Variants in DLG2 observed in about 807,000 individuals in gnomAD.
DLG2 encodes discs large MAGUK scaffold protein 2.
Under a neutral mutation model 132.5 loss-of-function variants are expected in DLG2, and 45 were observed. The ratio of observed to expected loss-of-function variants is 0.34; its 90% CI spans 0.27 to 0.44. The LOEUF (loss-of-function observed/expected upper bound fraction) is 0.44. DLG2 is among the 20% of genes least tolerant of loss of function. DLG2 has a pLI of 1.00. For missense variants in DLG2, 1,045 were observed against 1,196.9 expected, an observed-to-expected ratio of 0.87 and a Z score of 1.87; for synonymous variants, 424 against 419.6, an observed-to-expected ratio of 1.01 and a Z score of -0.13.
chr11:84,463,750 G>GAA (rs971052921), intron 7 of DLG2, among the ~76,000 whole-genome samples: 34 of 151,280 alleles, frequency 2.2e-4, no homozygotes, highest in Admixed American at 4.0e-4. Flanking sequence ...AGGAATGTGT[G>GAA]AATGATGCAT....
chr11:83,991,597 T>C (rs957231830), intron 11 of DLG2, among the ~76,000 whole-genome samples: 13 of 152,268 alleles, frequency 8.5e-5, no homozygotes, highest in Middle Eastern at 6.8e-3. Context: ...TCTTCTTTTA[T>C]GGATTTGGCC....
At chr11:84,894,707 T>C (rs2089950581) in intron 6 of DLG2, among the ~76,000 whole-genome samples, 1 of 152,158 alleles carries the variant, frequency 6.6e-6, no homozygotes, top group African/African-American at 2.4e-5. Flanking sequence ...GGTTCAATGA[T>C]ACTCTATATC....
rs148707321 is a variant in DLG2, at chr11:84,207,081, C to CTCTCTATATA, written c.574-43571_574-43570insTATATAGAGA. 1.2e-3 allele frequency among the ~76,000 whole-genome samples: 180 copies of CTCTCTATATA among 146,996 alleles called. 1 individual carries two copies. Among genetic ancestry groups the CTCTCTATATA allele is most frequent in the African/African-American group, 4.0e-3 (160 of 40,030 alleles). On this transcript the variant is annotated intron_variant, in intron 8 of 27. Coordinates refer to ENST00000376104, the MANE Select transcript of DLG2 (RefSeq NM_001142699.3). ...TAAATCTCTCTCTCTCTCTCTCTCT[C>CTCTCTATATA]TATATATATATATGTATGTATATAT...
chr11:84,885,519 G>A (rs532374107), intron 6 of DLG2, among the ~76,000 whole-genome samples: 2 of 152,082 alleles, frequency 1.3e-5, no homozygotes, highest in African/African-American at 4.8e-5. Flanking sequence ...GTTTTGTAAT[G>A]TTTTATAGTA....
chr11:84,496,030 T>C (rs1286892904), intron 7 of DLG2, among the ~76,000 whole-genome samples: 1 of 152,088 alleles, frequency 6.6e-6, no homozygotes, highest in Non-Finnish European at 1.5e-5. Flanking sequence ...TATCCTGTCT[T>C]CTTGAGTACC....
chr11:83,519,611 C>CTAT (rs1170797850), intron 21 of DLG2, among the ~76,000 whole-genome samples: 1 of 152,130 alleles, frequency 6.6e-6, no homozygotes, highest in Non-Finnish European at 1.5e-5. Flanking sequence ...AAAAATTGTT[C>CTAT]TATTTAGCAA....
intron 6 of DLG2, among the ~76,000 whole-genome samples, chr11:84,649,911 T>A (rs568739563): frequency 9.2e-5 from 14 of 152,156 alleles, no homozygotes; most frequent in Non-Finnish European, 1.8e-4. Context: ...TCAGAAATCC[T>A]AGAGATGACT....
chr11:83,675,874 T>G (rs1024316639), intron 18 of DLG2, among the ~76,000 whole-genome samples: 2 of 152,210 alleles, frequency 1.3e-5, no homozygotes, highest in Non-Finnish European at 2.9e-5. Flanking sequence ...CTACTCTTCC[T>G]GGAAGCCAAT....
At chr11:84,372,970 A>C (rs1212686136) in intron 7 of DLG2, among the ~76,000 whole-genome samples, 1 of 152,032 alleles carries the variant, frequency 6.6e-6, no homozygotes, top group East Asian at 1.9e-4. Context: ...AGATGAAACC[A>C]CGAGAGTTAC....
intron 9 of DLG2, among the ~76,000 whole-genome samples, chr11:84,142,796 C>T (rs1333864329): frequency 6.6e-6 from 1 of 152,112 alleles, no homozygotes; most frequent in Non-Finnish European, 1.5e-5. Flanking sequence ...CCCTTGTTTT[C>T]CCCTCTTCTC....
At chr11:85,148,761 C>A (rs2077031657) in intron 5 of DLG2, among the ~76,000 whole-genome samples, 4 of 152,152 alleles carry the variant, frequency 2.6e-5, no homozygotes, top group African/African-American at 9.6e-5. Flanking sequence ...TAATTAGATT[C>A]CATTTGTCAA....
At chr11:84,580,043 A>G (rs537330588) in intron 6 of DLG2, among the ~76,000 whole-genome samples, 1 of 152,318 alleles carries the variant, frequency 6.6e-6, no homozygotes, top group South Asian at 2.1e-4. Context: ...GTGAAGTTTG[A>G]GATCCTGTAG....
At chr11:83,530,909 T>C (rs570243241) in intron 21 of DLG2, among the ~76,000 whole-genome samples, 1 of 152,178 alleles carries the variant, frequency 6.6e-6, no homozygotes, top group South Asian at 2.1e-4. Flanking sequence ...ATTATATTTA[T>C]GTACATTTGC....
intron 9 of DLG2, among the ~76,000 whole-genome samples, chr11:84,107,005 T>A (rs76786559): frequency 0.052 from 1,729 of 33,430 alleles, 52 homozygotes; most frequent in African/African-American, 0.13. Context: ...TGTGTGTGTG[T>A]GTGTGTGTGA....
intron 19 of DLG2, among the ~76,000 whole-genome samples, chr11:83,570,124 C>T (rs1294361077): frequency 6.6e-6 from 1 of 152,154 alleles, no homozygotes; most frequent in African/African-American, 2.4e-5. Flanking sequence ...AAATATCTAT[C>T]ACTATCAAGC....
At chr11:84,628,096 A>G (rs141175106) in intron 6 of DLG2, among the ~76,000 whole-genome samples, 2,889 of 123,458 alleles carry the variant, frequency 0.023, 31 homozygotes, top group Non-Finnish European at 0.033. Flanking sequence ...ATGTACACAC[A>G]TATATACACA....
At chr11:85,341,446 G>A (rs2082496200) in intron 3 of DLG2, among the ~76,000 whole-genome samples, 1 of 152,112 alleles carries the variant, frequency 6.6e-6, no homozygotes, top group South Asian at 2.1e-4. Context: ...ATGTAACAGT[G>A]TATCATCTGC....
At chr11:84,349,837 A>ATAT in intron 7 of DLG2, among the ~76,000 whole-genome samples, 2 of 150,704 alleles carry the variant, frequency 1.3e-5, no homozygotes, top group South Asian at 4.2e-4. Flanking sequence ...CTGCCTCTAA[A>ATAT]ATATATATAT....
chr11:84,154,343 T>A (rs1392220713), intron 9 of DLG2, among the ~76,000 whole-genome samples: 1 of 152,178 alleles, frequency 6.6e-6, no homozygotes, highest in Non-Finnish European at 1.5e-5. Context: ...ATTCTAACAA[T>A]TGAAATCATA....
Sources: gnomAD v4.1 joint callset for allele counts (sites outside exome capture counted in the v4.1 genomes callset) on GRCh38, gnomAD v4.1.1 for gene constraint, MANE v1.5 for transcripts, NCBI Gene and HGNC (gene_info 2026-07-23, HGNC 2026-07-21) for gene names.